The following MERTK variants were observed in gnomAD, a reference collection of about 807,000 sequenced individuals.
MERTK encodes the protein MER proto-oncogene, tyrosine kinase, also known as tyrosine-protein kinase Mer.
MERTK carries 69 observed loss-of-function variants against 99.3 expected under a neutral mutation model. The observed-to-expected ratio is 0.70, with a 90% CI of 0.57 to 0.85. The LOEUF is 0.85. Ranked by LOEUF, MERTK falls within the 40% of genes least tolerant of loss-of-function variation. MERTK has a pLI of 0.00. For missense variants in MERTK, 1,125 were observed against 1,249.4 expected, an observed-to-expected ratio of 0.90 and a Z score of 1.50; for synonymous variants, 426 against 467.6, an observed-to-expected ratio of 0.91 and a Z score of 1.15.
chr2:112,019,556 A>G, intron 16 of MERTK, 34 bp downstream of exon 16: 1 of 1,504,434 alleles, frequency 6.6e-7, no homozygotes, highest in Non-Finnish European at 9.3e-7. Context: ...AAGGGTTTGG[A>G]CCTCATGGTG....
At chr2:111,907,888 C>G (rs575786266) in intron 1 of MERTK, among the ~76,000 whole-genome samples, 1 of 152,270 alleles carries the variant, frequency 6.6e-6, no homozygotes, top group African/African-American at 2.4e-5. Flanking sequence ...TCAGAACTAC[C>G]TAGGAAGCAT....
chr2:112,006,668 T>C (rs996549608), intron 13 of MERTK, among the ~76,000 whole-genome samples: 3 of 152,176 alleles, frequency 2.0e-5, no homozygotes, highest in Non-Finnish European at 4.4e-5. Context: ...CTGCTAATTG[T>C]CAAAGATTGA....
intron 11 of MERTK, among the ~76,000 whole-genome samples, chr2:112,002,377 A>G (rs1676886501): frequency 6.6e-6 from 1 of 152,130 alleles, no homozygotes; most frequent in Non-Finnish European, 1.5e-5. Flanking sequence ...ATGGCATGGG[A>G]GGGTAGGGGA....
chr2:111,952,926 G>A (rs1685083495), intron 4 of MERTK, among the ~76,000 whole-genome samples: 1 of 152,102 alleles, frequency 6.6e-6, no homozygotes, highest in East Asian at 1.9e-4. Context: ...CAGTCTGATG[G>A]CAAATACTCT....
chr2:112,019,569 T>C (rs756142229), intron 16 of MERTK, 47 bp downstream of exon 16: 8 of 1,437,298 alleles, frequency 5.6e-6, no homozygotes, highest in Admixed American at 1.7e-5. Flanking sequence ...TCATGGTGTT[T>C]GGTCTTTGCA....
chr2:111,994,225 T>A (rs1230706806), intron 8 of MERTK, 26 bp from the exon 9 acceptor site: 9 of 1,612,934 alleles, frequency 5.6e-6, no homozygotes, highest in Non-Finnish European at 7.6e-6. Context: ...AGTGTTTTCA[T>A]TTCCTCTCTT....
intron 16 of MERTK, 23 bp downstream of exon 16, chr2:112,019,545 G>A: frequency 1.3e-6 from 2 of 1,552,220 alleles, no homozygotes; most frequent in Admixed American, 1.7e-5. Context: ...GGCTATCCTG[G>A]AAGGGTTTGG....
chr2:112,011,648 G>A (rs1222938130), intron 15 of MERTK, among the ~76,000 whole-genome samples: 9 of 152,168 alleles, frequency 5.9e-5, no homozygotes, highest in Non-Finnish European at 1.3e-4. Context: ...CTACTTGGGA[G>A]GCTGAAGCAG....
At chr2:111,993,946 C>G (rs1179076539) in intron 8 of MERTK, among the ~76,000 whole-genome samples, 2 of 152,184 alleles carry the variant, frequency 1.3e-5, no homozygotes, top group Admixed American at 6.5e-5. Flanking sequence ...GTCAGGCTTG[C>G]TCTGCCGTCC....
intron 8 of MERTK, among the ~76,000 whole-genome samples, chr2:111,993,866 G>A (rs1318100055): frequency 1.3e-5 from 2 of 152,174 alleles, no homozygotes; most frequent in Admixed American, 1.3e-4. Flanking sequence ...GTGGCAGGTG[G>A]ACAATGTCAA....
chr2:112,022,540 C>T (rs1472212411), intron 18 of MERTK, 146 bp downstream of exon 18: 4 of 1,221,680 alleles, frequency 3.3e-6, no homozygotes, highest in Non-Finnish European at 4.8e-6. Flanking sequence ...CCCACAGACA[C>T]CCCAGCCCAG....
At chr2:111,938,762 G>A (rs1266754029) in intron 2 of MERTK, among the ~76,000 whole-genome samples, 1 of 152,092 alleles carries the variant, frequency 6.6e-6, no homozygotes, top group East Asian at 1.9e-4. Flanking sequence ...AGAACATTCT[G>A]ACTATTCAAA....
intron 1 of MERTK, among the ~76,000 whole-genome samples, chr2:111,901,295 C>G (rs948388240): frequency 6.6e-6 from 1 of 152,200 alleles, no homozygotes; most frequent in Non-Finnish European, 1.5e-5. Context: ...TGCAGCTAAA[C>G]TCAACCCTTA....
chr2:111,959,172 A>C (rs1388638474), intron 4 of MERTK, among the ~76,000 whole-genome samples: 1 of 152,146 alleles, frequency 6.6e-6, no homozygotes, highest in Admixed American at 6.5e-5. Context: ...AAGGCATGAA[A>C]ATCAAAGTGT....
chr2:111,996,493 G>A lies in MERTK; in HGVS notation c.1451-830G>A, dbSNP rs1354818704. The A allele has an allele frequency of 1.3e-5, 2 of 154,424 alleles. 1 individual carries two copies. The highest frequency in any genetic ancestry group is 3.8e-4 in the East Asian group (2 of 5,196). The allele number at this position is 154,424 out of a possible 1,614,324, so 9.6% of individuals were successfully genotyped here. The stretch of plus-strand genomic sequence containing the variant: ...CCCACATGACATTTTACAAAAATGG[G>A]TAATTGAAAGAGGGAGTTGGTGAAC... On this transcript the variant is annotated intron_variant, in intron 9 of 18. Transcript: ENST00000295408.
chr2:111,916,737 GT>G (rs1684358109), intron 1 of MERTK, among the ~76,000 whole-genome samples: 1 of 152,090 alleles, frequency 6.6e-6, no homozygotes, highest in African/African-American at 2.4e-5. Flanking sequence ...CTTGAGATCA[GT>G]TTTATTTATT....
Position 112,024,552 on chromosome 2 carries a change from C to T in MERTK, c.2486+2158C>T, listed in dbSNP as rs563330816. On this transcript the variant is annotated intron_variant, in intron 18 of 18. Coordinates refer to ENST00000295408, the MANE Select transcript of MERTK (RefSeq NM_006343.3). ...GGCCCCTGTGAGCCAGGCTTCCTTC[C>T]ATCTCCTCTCGAATCTAGATGCTGG... Among the ~76,000 whole-genome samples, 183 of 152,330 alleles carry T rather than the reference C, an allele frequency of 1.2e-3. 1 individual carries two copies. Among genetic ancestry groups the T allele is most frequent in the Non-Finnish European group, 2.4e-3 (160 of 68,030 alleles).
intron 4 of MERTK, among the ~76,000 whole-genome samples, chr2:111,951,272 T>C (rs191190336): frequency 2.6e-5 from 4 of 152,046 alleles, no homozygotes; most frequent in Admixed American, 1.3e-4. Context: ...CTAGAACTTA[T>C]TCATCCTGTG....
chr2:111,964,392 TGTGTGTGCGCGCGC>T (rs1486552509), intron 4 of MERTK, among the ~76,000 whole-genome samples: 3 of 137,030 alleles, frequency 2.2e-5, no homozygotes, highest in Admixed American at 7.3e-5. Context: ...TGTGTGTGTG[TGTGTGTGCGCGCGC>T]GCACGCGCAT....
Sources: gnomAD v4.1 joint callset for allele counts (sites outside exome capture counted in the v4.1 genomes callset) on GRCh38, gnomAD v4.1.1 for gene constraint, MANE v1.5 for transcripts, NCBI Gene and HGNC (gene_info 2026-07-23, HGNC 2026-07-21) for gene names.